The following RFTN1 variants were observed in gnomAD, a reference collection of about 807,000 sequenced individuals.
RFTN1 encodes the protein raftlin, lipid raft linker 1.
RFTN1 carries 26 observed loss-of-function variants against 46.5 expected under a neutral mutation model. The observed-to-expected ratio is 0.56, with a 90% CI of 0.41 to 0.78. The LOEUF is 0.78. RFTN1 is among the 30% of genes least tolerant of loss of function. RFTN1 has a pLI of 0.00. For synonymous variants in RFTN1, 261 were observed against 284.2 expected, an observed-to-expected ratio of 0.92 and a Z score of 0.82; for missense variants, 693 against 718.7, an observed-to-expected ratio of 0.96 and a Z score of 0.41.
intron 3 of RFTN1, 54 bp from the exon 4 acceptor site, chr3:16,409,537 G>A (rs1575246186): frequency 2.3e-6 from 3 of 1,282,022 alleles, no homozygotes; most frequent in African/African-American, 1.5e-5. Context: ...GCATAATTTG[G>A]AGACAGTCTC....
chr3:16,342,400 A>G lies in RFTN1; in HGVS notation c.1147-15524T>C, dbSNP rs1354600078. ...CCTTTTTATTGCAAAATAATATTCC[A>G]TCATATGGATATACCATAGTTTATT... is the stretch of plus-strand genomic sequence containing the variant. On this transcript the variant is annotated intron_variant, in intron 7 of 9. Coordinates refer to ENST00000334133, the MANE Select transcript of RFTN1 (RefSeq NM_015150.2). This position sits in a 1 kb window ranked among gnomAD's most constrained non-coding sequence, Gnocchi z 4.0. 6.6e-6 allele frequency among the ~76,000 whole-genome samples: 1 copy of G among 152,270 alleles called. No homozygotes were observed. The highest frequency in any genetic ancestry group is 2.4e-5 in the African/African-American group (1 of 41,470).
intron 6 of RFTN1, among the ~76,000 whole-genome samples, chr3:16,360,612 CCACCCTCTTT>C (rs758965788): frequency 3.9e-5 from 6 of 152,154 alleles, no homozygotes; most frequent in Non-Finnish European, 2.9e-5. Flanking sequence ...CACAAAAAGT[CCACCCTCTTT>C]CACCCAGAAA....
chr3:16,488,256 T>A (rs374296093), intron 2 of RFTN1, among the ~76,000 whole-genome samples: 43 of 152,286 alleles, frequency 2.8e-4, no homozygotes, highest in African/African-American at 1.0e-3. Flanking sequence ...TGTGCCACCA[T>A]GTCTGGCTAA....
At chr3:16,496,287 A>T (rs1287116313) in intron 1 of RFTN1, among the ~76,000 whole-genome samples, 1 of 152,268 alleles carries the variant, frequency 6.6e-6, no homozygotes, top group Non-Finnish European at 1.5e-5. Context: ...TGCTAAAATC[A>T]GCTCTCAAAA....
rs1216804780 is a variant in RFTN1 at position 16,338,593 on chromosome 3, C to T, written c.1147-11717G>A. On this transcript the variant is annotated intron_variant, in intron 7 of 9. Transcript: ENST00000334133. This position sits in a 1 kb window ranked among gnomAD's most constrained non-coding sequence, Gnocchi z 5.3. ...ATAACAATTAAAAAAGAAACATTTT[C>T]TCCATCCAGAGACTTGCCAGGTCCC... is the stretch of plus-strand genomic sequence containing the variant. 6.6e-6 allele frequency among the ~76,000 whole-genome samples: 1 copy of T among 152,230 alleles called. No homozygotes were observed.
At position 16,357,953 on chromosome 3, in the gene RFTN1, A is replaced by G. The variant is rs767543517; in HGVS notation, c.1125T>C (p.Val375=). The change falls in exon 7 of 10, where the codon GTT becomes GTC. Residue 375 remains valine, a synonymous_variant. Transcript: ENST00000334133. The part of the protein sequence containing the change: ...KTIQGYDAIV[V]EQWTVLEGVE... ...TTACTTCCAGGACTGTCCATTGTTC[A>G]ACCACAATAGCATCATAGCCCTGTA... The G allele has an allele frequency of 9.3e-6, 15 of 1,612,016 alleles. No individual in the cohort carries two copies. The South Asian group carries it at 1.6e-4, about 18-fold the overall frequency.
rs1281573774 is a variant in RFTN1 at position 16,374,943 on chromosome 3, A to G, written c.826+2775T>C. ...AGGGACGACCTGCCCCTGCTTCCGC[A>G]TGGAGAATCCACTGGAAAGTCCTGT... is the stretch of plus-strand genomic sequence containing the variant. On this transcript the variant is annotated intron_variant, in intron 5 of 9. Transcript: ENST00000334133. This position sits in a 1 kb window ranked among gnomAD's most constrained non-coding sequence, Gnocchi z 5.4. 6.6e-6 allele frequency among the ~76,000 whole-genome samples: 1 copy of G among 152,140 alleles called. No individual in the cohort carries two copies. The highest frequency in any genetic ancestry group is 1.5e-5 in the Non-Finnish European group (1 of 68,014).
rs1491581919 is a variant in RFTN1 at position 16,345,264 on chromosome 3, T to TTTTGTG, written c.1146+12667_1146+12668insCACAAA. 4 of 145,930 alleles carry TTTTGTG rather than the reference T, an allele frequency of 2.7e-5. No homozygotes were observed. In the East Asian group the frequency reaches 8.0e-4, roughly 29 times the overall value. The allele number at this position is 145,930 out of a possible 1,614,324, so 9.0% of individuals were successfully genotyped here. ...AAACTGTAAGATAATAAGTAGGTGG[T>TTTTGTG]TGTGTGTGTGTGTGTGTGTGTGTGT... is the stretch of plus-strand genomic sequence containing the variant. On this transcript the variant is annotated intron_variant, in intron 7 of 9. Transcript: ENST00000334133. This position sits in a 1 kb window ranked among gnomAD's most constrained non-coding sequence, Gnocchi z 5.2.
rs765821891 is a variant in RFTN1, at chr3:16,493,849, C to T, written c.21G>A (p.Lys7=). The T allele has an allele frequency of 3.1e-6, 5 of 1,614,060 alleles. No individual in the cohort carries two copies. In the African/African-American group the frequency reaches 5.3e-5, roughly 17 times the overall value. The part of the protein sequence containing the change: MGCGLN[K]LEKRDEKRPG... ...GCCGTTTTTCATCACGTTTCTCTAA[C>T]TTGTTCAATCCGCAACCCATTTCAG... Residue 7 remains lysine (K), a synonymous_variant, in exon 2 of 10, where the codon AAG becomes AAA. Coordinates refer to ENST00000334133, the MANE Select transcript of RFTN1 (RefSeq NM_015150.2).
rs945343407 is a variant in RFTN1 at position 16,381,995 on chromosome 3, C to T, written c.442-3893G>A. On this transcript the variant is annotated intron_variant, in intron 4 of 9. Transcript: ENST00000334133. This position sits in a 1 kb window ranked among gnomAD's most constrained non-coding sequence, Gnocchi z 4.2. Reference sequence around the variant, plus strand: ...TCATCTTTTACCTTCAACTTCAGCACAAATTTTGTATCTTATACCATAGTG... The same window carrying T: ...TCATCTTTTACCTTCAACTTCAGCATAAATTTTGTATCTTATACCATAGTG... 1.3e-5 allele frequency among the ~76,000 whole-genome samples: 2 copies of T among 152,132 alleles called. No individual in the cohort carries two copies. Among genetic ancestry groups the T allele is most frequent in the Admixed American group, 6.5e-5 (1 of 15,284 alleles).
Position 16,377,882 on chromosome 3 carries a change from G to C in RFTN1, c.662C>G (p.Pro221Arg). 1 of 1,614,206 alleles carries C rather than the reference G, an allele frequency of 6.2e-7. No individual in the cohort carries two copies. Among genetic ancestry groups the C allele is most frequent in the Non-Finnish European group, 8.5e-7 (1 of 1,180,032 alleles). Residue 221 changes from proline to arginine, a missense_variant, in exon 5 of 10, where the codon CCA (proline) becomes CGA (arginine). Physicochemically the swap from Pro to Arg is moderately radical, Grantham distance 103. Coordinates refer to ENST00000334133, the MANE Select transcript of RFTN1 (RefSeq NM_015150.2). ...CSAPAGRNQS[P>R]EPSSGPRGEV... ...CCCTCTGGGGCCTGAGCTGGGCTCT[G>C]GGCTTTGGTTTCTCCCAGCCGGAGC...
rs1193421624 is a variant in RFTN1, at chr3:16,316,032, G to A, written c.*796C>T. On this transcript the variant is annotated 3_prime_UTR_variant, in exon 10 of 10. Transcript: ENST00000334133. This position sits in a 1 kb window ranked among gnomAD's most constrained non-coding sequence, Gnocchi z 4.5. ...ACACAGCATACATGGGTAACAACTTGACCAATGTTACACTGATTAAAATAG... is the reference window on the plus strand; with the variant it reads ...ACACAGCATACATGGGTAACAACTTAACCAATGTTACACTGATTAAAATAG... The A allele has an allele frequency of 6.6e-6, 1 of 152,442 alleles. No homozygotes were observed. Among genetic ancestry groups the A allele is most frequent in the Non-Finnish European group, 1.5e-5 (1 of 68,058 alleles). 9.4% of individuals were successfully genotyped at this position (152,442 alleles called of 1,614,324 possible).
In RFTN1 at chr3:16,465,165, G is replaced by A. The variant is rs1192584756; in HGVS notation, c.145+28560C>T. 3.3e-5 allele frequency among the ~76,000 whole-genome samples: 5 copies of A among 151,026 alleles called. No individual in the cohort carries two copies. In the South Asian group the frequency reaches 8.3e-4, roughly 25 times the overall value. On this transcript the variant is annotated intron_variant, in intron 2 of 9. Transcript: ENST00000334133. This position sits in a 1 kb window ranked among gnomAD's most constrained non-coding sequence, Gnocchi z 5.1. ...TTGGGGAATTTTGGCAGTCACCTTGGAAATCTGCTAAAACAAATAATGGAA... is the reference window on the plus strand; with the variant it reads ...TTGGGGAATTTTGGCAGTCACCTTGAAAATCTGCTAAAACAAATAATGGAA...
chr3:16,367,694 T>C (rs1423478205), intron 6 of RFTN1, among the ~76,000 whole-genome samples: 1 of 152,196 alleles, frequency 6.6e-6, no homozygotes, highest in Non-Finnish European at 1.5e-5. Flanking sequence ...AAGTCAAATC[T>C]GAAGAAAAAG....
intron 4 of RFTN1, among the ~76,000 whole-genome samples, chr3:16,386,899 A>G (rs1446117810): frequency 1.3e-5 from 2 of 152,222 alleles, no homozygotes; most frequent in Admixed American, 6.5e-5. Flanking sequence ...GACAAAAAGT[A>G]GAGGCAGCAG....
intron 2 of RFTN1, chr3:16,454,862 T>A: frequency 1.3e-6 from 1 of 770,614 alleles, no homozygotes; most frequent in Non-Finnish European, 1.6e-6. Context: ...GCTTTTTGCC[T>A]AGTCCATAAC....
chr3:16,471,601 G>C (rs2076197267), intron 2 of RFTN1, among the ~76,000 whole-genome samples: 1 of 151,984 alleles, frequency 6.6e-6, no homozygotes, highest in Non-Finnish European at 1.5e-5. Flanking sequence ...ACAGAACAGG[G>C]AGTAGAACCT....
rs2070770552 is a variant in RFTN1 at position 16,335,641 on chromosome 3, G to A, written c.1147-8765C>T. 6.6e-6 allele frequency among the ~76,000 whole-genome samples: 1 copy of A among 152,164 alleles called. No individual in the cohort carries two copies. ...GACCTGTTGGAGGTGTGGGAGGAGGGAGAGCATCAGGAAAAATAGCTAATG... is the reference window on the plus strand; with the variant it reads ...GACCTGTTGGAGGTGTGGGAGGAGGAAGAGCATCAGGAAAAATAGCTAATG... On this transcript the variant is annotated intron_variant, in intron 7 of 9. Coordinates refer to ENST00000334133, the MANE Select transcript of RFTN1 (RefSeq NM_015150.2). The surrounding 1 kb of genome is among the most constrained non-coding windows in gnomAD (Gnocchi z 4.7).
At position 16,480,777 on chromosome 3, in the gene RFTN1, A is replaced by C. The variant is rs531206930; in HGVS notation, c.145+12948T>G. 2.6e-5 allele frequency among the ~76,000 whole-genome samples: 4 copies of C among 152,240 alleles called. No homozygotes were observed. Among genetic ancestry groups the C allele is most frequent in the Non-Finnish European group, 4.4e-5 (3 of 68,040 alleles). ...TTGCTAATAATAATTAGTAGGGTGC[A>C]TAGAATATTAACTTGTTTTCTGTTC... is the stretch of plus-strand genomic sequence containing the variant. On this transcript the variant is annotated intron_variant, in intron 2 of 9. Coordinates refer to ENST00000334133, the MANE Select transcript of RFTN1 (RefSeq NM_015150.2). The surrounding 1 kb of genome is among the most constrained non-coding windows in gnomAD (Gnocchi z 4.3).
Sources: gnomAD v4.1 joint callset for allele counts (sites outside exome capture counted in the v4.1 genomes callset) on GRCh38, gnomAD v4.1.1 for gene constraint, Gnocchi (gnomAD v3.1) non-coding constraint, MANE v1.5 for transcripts, NCBI Gene and HGNC (gene_info 2026-07-23, HGNC 2026-07-21) for gene names.